The following NKAIN3 variants were observed in gnomAD, a reference collection of about 807,000 sequenced individuals.
The protein encoded by NKAIN3 is sodium/potassium transporting ATPase interacting 3.
Under a neutral mutation model 30.2 loss-of-function variants are expected in NKAIN3, and 25 were observed. The observed-to-expected ratio is 0.83, with a 90% confidence interval of 0.60 to 1.16. The LOEUF (loss-of-function observed/expected upper bound fraction) is 1.16, where lower values mean the gene tolerates loss of function less well. Ranked by LOEUF, NKAIN3 falls within the 50% of genes most tolerant of loss-of-function variation. The probability of loss-of-function intolerance (pLI) is 0.00; values close to 1 mark genes in which losing one functional copy is unlikely to be tolerated. For synonymous variants in NKAIN3, 91 were observed against 89.6 expected, an observed-to-expected ratio of 1.02 and a Z score of -0.09; for missense variants, 225 against 254.1, an observed-to-expected ratio of 0.89 and a Z score of 0.78.
At chr8:62,668,111 T>TAC (rs5891867) in intron 3 of NKAIN3, among the ~76,000 whole-genome samples, 39,053 of 149,034 alleles carry the variant, frequency 0.26, 5,468 homozygotes, top group East Asian at 0.38. Flanking sequence ...CACACACACA[T>TAC]ACACACACAC....
At position 62,666,660 on chromosome 8, in the gene NKAIN3, G is replaced by A. The variant is rs543687026; in HGVS notation, c.273+76866G>A. Among the ~76,000 whole-genome samples, 40 of 152,174 alleles carry A rather than the reference G, an allele frequency of 2.6e-4. No homozygotes were observed. In the South Asian group the frequency reaches 8.3e-3, roughly 32 times the overall value. Reference sequence around the variant, plus strand: ...GAAGCCTCAGGTAACGAAGGACCTGGTTCTGTCCTGGGTTATTGTTCTAAA... The same window carrying A: ...GAAGCCTCAGGTAACGAAGGACCTGATTCTGTCCTGGGTTATTGTTCTAAA... On this transcript the variant is annotated intron_variant, in intron 3 of 6. Transcript: ENST00000623646.
At chr8:62,702,045 C>T (rs1004779358) in intron 3 of NKAIN3, among the ~76,000 whole-genome samples, 1 of 152,160 alleles carries the variant, frequency 6.6e-6, no homozygotes, top group Admixed American at 6.6e-5. Flanking sequence ...CGTTTCCATC[C>T]TTCGTGGCTT....
At position 62,291,681 on chromosome 8, in the gene NKAIN3, T is replaced by G. The variant is rs531501196; in HGVS notation, c.54+42554T>G. 2.0e-5 allele frequency among the ~76,000 whole-genome samples: 3 copies of G among 152,328 alleles called. No individual in the cohort carries two copies. In the South Asian group the frequency reaches 6.2e-4, roughly 32 times the overall value. Reference sequence around the variant, plus strand: ...ACTATGTGGTCAATTTTGGAATAAGTGCAGTGTGGTGCTGAGAAGAATGTA... The same window carrying G: ...ACTATGTGGTCAATTTTGGAATAAGGGCAGTGTGGTGCTGAGAAGAATGTA... On this transcript the variant is annotated intron_variant, in intron 1 of 6. Coordinates refer to ENST00000623646, the MANE Select transcript of NKAIN3 (RefSeq NM_001304533.3).
chr8:62,772,955 G>A (rs774908586), intron 4 of NKAIN3, among the ~76,000 whole-genome samples: 2 of 151,998 alleles, frequency 1.3e-5, no homozygotes, highest in African/African-American at 2.4e-5. Flanking sequence ...AACCACGCCC[G>A]GCTCTTTTGC....
chr8:62,702,291 C>T (rs987786594), intron 3 of NKAIN3, among the ~76,000 whole-genome samples: 8 of 152,114 alleles, frequency 5.3e-5, no homozygotes, highest in African/African-American at 1.9e-4. Flanking sequence ...TATACAACTT[C>T]TAAACCAATA....
chr8:62,790,921 C>A (rs1817686055), intron 4 of NKAIN3, among the ~76,000 whole-genome samples: 1 of 151,992 alleles, frequency 6.6e-6, no homozygotes, highest in Non-Finnish European at 1.5e-5. Flanking sequence ...AAGTTTAAAT[C>A]CTATCTCGGC....
At chr8:62,891,288 G>T (rs1288060468) in intron 4 of NKAIN3, among the ~76,000 whole-genome samples, 1 of 152,188 alleles carries the variant, frequency 6.6e-6, no homozygotes, top group Non-Finnish European at 1.5e-5. Flanking sequence ...TCCTGTGCTG[G>T]ATGTTTCCTG....
At chr8:62,494,971 G>T (rs1807189855) in intron 1 of NKAIN3, among the ~76,000 whole-genome samples, 1 of 151,924 alleles carries the variant, frequency 6.6e-6, no homozygotes, top group South Asian at 2.1e-4. Flanking sequence ...TCCTGGATTT[G>T]CTGATCTTTT....
chr8:62,391,117 C>T lies in NKAIN3; in HGVS notation c.54+141990C>T, dbSNP rs530987176. ...GTGTCTTCCTCATGAAATCTTTGCC[C>T]GTTCCTATGTCCAGAATGTTGTCTT... On this transcript the variant is annotated intron_variant, in intron 1 of 6. Coordinates refer to ENST00000623646, the MANE Select transcript of NKAIN3 (RefSeq NM_001304533.3). 1.1e-3 allele frequency among the ~76,000 whole-genome samples: 173 copies of T among 152,118 alleles called. 1 individual carries two copies. Among genetic ancestry groups the T allele is most frequent in the African/African-American group, 4.0e-3 (168 of 41,524 alleles).
chr8:62,348,713 C>A (rs1250190900), intron 1 of NKAIN3, among the ~76,000 whole-genome samples: 7 of 152,180 alleles, frequency 4.6e-5, no homozygotes, highest in Non-Finnish European at 1.5e-5. Flanking sequence ...AGAATGTCCT[C>A]ACCTGAGATG....
At chr8:62,492,766 C>A (rs1249024236) in intron 1 of NKAIN3, among the ~76,000 whole-genome samples, 1 of 152,060 alleles carries the variant, frequency 6.6e-6, no homozygotes, top group East Asian at 1.9e-4. Context: ...TTTAAACTTT[C>A]ATTTTAAGTT....
chr8:62,701,522 G>A (rs1238873123), intron 3 of NKAIN3, among the ~76,000 whole-genome samples: 1 of 152,198 alleles, frequency 6.6e-6, no homozygotes, highest in Non-Finnish European at 1.5e-5. Context: ...TCGCAGGCCA[G>A]TGACTAACGA....
intron 1 of NKAIN3, among the ~76,000 whole-genome samples, chr8:62,300,992 G>T (rs1291753192): frequency 1.3e-5 from 2 of 152,082 alleles, no homozygotes; most frequent in East Asian, 3.9e-4. Flanking sequence ...GGCAGAAATT[G>T]TATAGAACTA....
chr8:62,904,674 C>T (rs1301658282), intron 4 of NKAIN3, among the ~76,000 whole-genome samples: 2 of 152,156 alleles, frequency 1.3e-5, no homozygotes, highest in East Asian at 1.9e-4. Flanking sequence ...TTCAGACACC[C>T]TGGTTTTCCT....
chr8:62,918,498 G>C lies in NKAIN3; in HGVS notation c.517G>C (p.Glu173Gln). 1.2e-6 allele frequency: 2 copies of C among 1,612,430 alleles called. No homozygotes were observed. The highest frequency in any genetic ancestry group is 1.1e-5 in the South Asian group (1 of 91,000). ...YACYVISISM[E>Q]EEDTFDFIGG... ...CTGTTATGTGATCAGTATTTCCATG[G>C]AAGAAGAAGACACATGTAAGTACTG... Residue 173 changes from glutamate (E) to glutamine (Q), a missense_variant, in exon 5 of 7, where the codon GAA (glutamate) becomes CAA (glutamine). Physicochemically the swap from Glu to Gln is conservative, Grantham distance 29. Transcript: ENST00000623646.
At chr8:62,650,835 A>AAT (rs1200001960) in intron 3 of NKAIN3, among the ~76,000 whole-genome samples, 2 of 152,114 alleles carry the variant, frequency 1.3e-5, no homozygotes, top group African/African-American at 2.4e-5. Flanking sequence ...CATATTTTTA[A>AAT]ATATATATAG....
chr8:62,704,222 CTG>C (rs1357661440), intron 3 of NKAIN3, among the ~76,000 whole-genome samples: 1 of 151,958 alleles, frequency 6.6e-6, no homozygotes, highest in Non-Finnish European at 1.5e-5. Context: ...GATTTTTTAA[CTG>C]TATTTTCTAA....
chr8:62,945,010 C>T (rs1452617763), intron 5 of NKAIN3, among the ~76,000 whole-genome samples: 2 of 152,152 alleles, frequency 1.3e-5, no homozygotes, highest in Non-Finnish European at 2.9e-5. Context: ...AAAATTCCTT[C>T]CTTCCCCAAG....
intron 1 of NKAIN3, among the ~76,000 whole-genome samples, chr8:62,312,574 T>A (rs764533270): frequency 4.7e-5 from 7 of 150,310 alleles, no homozygotes; most frequent in Non-Finnish European, 8.8e-5. Flanking sequence ...TACTAACACT[T>A]TGGAAAACTG....
Sources: allele counts gnomAD v4.1 joint callset (sites outside exome capture counted in the v4.1 genomes callset), GRCh38; gene constraint gnomAD v4.1.1; transcripts MANE v1.5; gene names NCBI Gene and HGNC (gene_info 2026-07-23, HGNC 2026-07-21).